TESK2: variants seen among roughly 807,000 people sequenced by gnomAD.
TESK2 encodes dual specificity testis-specific protein kinase 2.
A neutral mutation model predicts 57.1 loss-of-function variants in TESK2; 39 were observed. That is an observed-to-expected ratio of 0.68 (90% CI 0.53 to 0.89). TESK2 has a LOEUF of 0.89. TESK2 is among the 40% of genes least tolerant of loss of function. TESK2 has a pLI of 0.00. For missense variants in TESK2, 646 were observed against 732.1 expected (o/e 0.88, Z 1.36); for synonymous variants, 249 against 267.9 (o/e 0.93, Z 0.69).
intron 2 of TESK2, among the ~76,000 whole-genome samples, chr1:45,441,595 A>G (rs1275165523): frequency 6.8e-6 from 1 of 146,796 alleles, no homozygotes; most frequent in Non-Finnish European, 1.5e-5. Context: ...AGCATGAACC[A>G]CTGCACCCAG....
intron 4 of TESK2, among the ~76,000 whole-genome samples, chr1:45,370,055 G>T (rs1557546425): frequency 1.3e-5 from 2 of 151,970 alleles, no homozygotes; most frequent in African/African-American, 4.8e-5. Flanking sequence ...GCATATTCTA[G>T]GTTGAAGAAA....
At chr1:45,426,088 T>C (rs1333057736) in intron 2 of TESK2, among the ~76,000 whole-genome samples, 2 of 151,838 alleles carry the variant, frequency 1.3e-5, no homozygotes, top group African/African-American at 2.4e-5. Context: ...GAGGCAGAGG[T>C]TGCAGTGAGC....
intron 3 of TESK2, among the ~76,000 whole-genome samples, chr1:45,403,955 T>C (rs896519313): frequency 6.9e-6 from 1 of 144,988 alleles, no homozygotes; most frequent in Non-Finnish European, 1.5e-5. Flanking sequence ...TGACTTTAAA[T>C]ATGGCCAAAA....
intron 3 of TESK2, among the ~76,000 whole-genome samples, chr1:45,387,704 CAG>C (rs112144719): frequency 1.3e-5 from 2 of 152,204 alleles, no homozygotes; most frequent in African/African-American, 4.8e-5. Flanking sequence ...AATATCACAG[CAG>C]AGTTTTTAAA....
rs561654211 is a variant in TESK2 at position 45,455,267 on chromosome 1, T to A, written c.222+2297A>T. On this transcript the variant is annotated intron_variant, in intron 2 of 10. Coordinates refer to ENST00000372086, the MANE Select transcript of TESK2 (RefSeq NM_007170.3). ...AGGCTTTTGTTTAAGGATTGCTTAA[T>A]ATGTTTTTCAGACCCCTGAATTCCA... 4.6e-5 allele frequency among the ~76,000 whole-genome samples: 7 copies of A among 152,332 alleles called. No individual in the cohort carries two copies. The South Asian group carries it at 1.5e-3, about 32-fold the overall frequency.
At chr1:45,431,916 G>A (rs1022965941) in intron 2 of TESK2, among the ~76,000 whole-genome samples, 2 of 152,104 alleles carry the variant, frequency 1.3e-5, no homozygotes, top group Non-Finnish European at 2.9e-5. Context: ...GCAAGCTTGT[G>A]ATGAGCCTAG....
intron 4 of TESK2, among the ~76,000 whole-genome samples, chr1:45,380,052 C>T (rs561417279): frequency 3.9e-5 from 6 of 152,128 alleles, no homozygotes; most frequent in Non-Finnish European, 8.8e-5. Flanking sequence ...GCTTGTGCCA[C>T]CCATGCCTGG....
intron 2 of TESK2, among the ~76,000 whole-genome samples, chr1:45,441,636 T>G (rs1469817337): frequency 4.0e-5 from 6 of 149,728 alleles, no homozygotes; most frequent in African/African-American, 1.5e-4. Context: ...TTTTTTTTTT[T>G]GAGACAGAGT....
chr1:45,381,902 T>G (rs1648670922), intron 4 of TESK2, among the ~76,000 whole-genome samples: 1 of 149,878 alleles, frequency 6.7e-6, no homozygotes, highest in African/African-American at 2.5e-5. Context: ...CTCTCTCTGT[T>G]GCTCAGGCTG....
chr1:45,363,536 G>C (rs1647782070), intron 4 of TESK2, among the ~76,000 whole-genome samples: 1 of 152,142 alleles, frequency 6.6e-6, no homozygotes, highest in Non-Finnish European at 1.5e-5. Context: ...CTGCACATTT[G>C]TACACATTGC....
intron 1 of TESK2, among the ~76,000 whole-genome samples, chr1:45,458,731 T>C (rs569135957): frequency 6.6e-6 from 1 of 151,948 alleles, no homozygotes; most frequent in East Asian, 1.9e-4. Context: ...ATATATTATA[T>C]AATTTTTAAA....
At position 45,463,616 on chromosome 1, in the gene TESK2, C is replaced by T. The variant is rs557314594; in HGVS notation, c.-86-5745G>A. On this transcript the variant is annotated intron_variant, in intron 1 of 10. Transcript: ENST00000372086. ...TGTTTTGTTTTGAGACAGGGTCTCACTCTGTTGCCCAGGCTGGAATGGAGT... is the reference window on the plus strand; with the variant it reads ...TGTTTTGTTTTGAGACAGGGTCTCATTCTGTTGCCCAGGCTGGAATGGAGT... Among the ~76,000 whole-genome samples the T allele has an allele frequency of 1.1e-4, 17 of 152,274 alleles. No homozygotes were observed. In the East Asian group the frequency reaches 3.3e-3, roughly 29 times the overall value.
At chr1:45,450,327 T>C (rs1007173318) in intron 2 of TESK2, among the ~76,000 whole-genome samples, 4 of 152,024 alleles carry the variant, frequency 2.6e-5, no homozygotes, top group African/African-American at 7.2e-5. Flanking sequence ...GCCTGACCAA[T>C]ATGGTGAAAT....
At chr1:45,388,456 T>C (rs187037531) in intron 3 of TESK2, among the ~76,000 whole-genome samples, 7 of 152,352 alleles carry the variant, frequency 4.6e-5, no homozygotes, top group Non-Finnish European at 7.3e-5. Context: ...CTAGCAGGAA[T>C]TGGCTAACTA....
At chr1:45,422,720 A>T (rs1195579111) in intron 2 of TESK2, among the ~76,000 whole-genome samples, 3 of 120,560 alleles carry the variant, frequency 2.5e-5, no homozygotes, top group Non-Finnish European at 5.7e-5. Flanking sequence ...CTGGGATTAC[A>T]GGTGTGAGCC....
chr1:45,407,805 G>C (rs1266044912), intron 3 of TESK2, among the ~76,000 whole-genome samples: 1 of 152,052 alleles, frequency 6.6e-6, no homozygotes, highest in Non-Finnish European at 1.5e-5. Context: ...CCCAGTCTTG[G>C]GTGTGTCTTT....
chr1:45,355,444 G>C lies in TESK2; in HGVS notation c.399C>G (p.Ile133Met). ...GCAACTGTTCCAGGTTCCCGGAGTT[G>C]ATATACTGCAAAACAGAAGGAAAAC... ...QGQLHALTEY[I>M]NSGNLEQLLD... Residue 133 changes from isoleucine to methionine, a missense_variant, in exon 5 of 11, where the codon ATC becomes ATG. Ile to Met is a conservative substitution (Grantham distance 10, BLOSUM62 1). Coordinates refer to ENST00000372086, the MANE Select transcript of TESK2 (RefSeq NM_007170.3). 1 of 1,605,592 alleles carries C rather than the reference G, an allele frequency of 6.2e-7. No homozygotes were observed. The highest frequency in any genetic ancestry group is 8.5e-7 in the Non-Finnish European group (1 of 1,177,164).
intron 1 of TESK2, among the ~76,000 whole-genome samples, chr1:45,486,135 A>C (rs546762903): frequency 8.5e-5 from 13 of 152,308 alleles, no homozygotes; most frequent in African/African-American, 3.1e-4. Context: ...GTGAGACTAC[A>C]CTGAAGTCAT....
chr1:45,437,844 G>A (rs1651293869), intron 2 of TESK2, among the ~76,000 whole-genome samples: 1 of 152,180 alleles, frequency 6.6e-6, no homozygotes, highest in South Asian at 2.1e-4. Flanking sequence ...TGAAATGGCT[G>A]GTTTGATATG....
Sources: allele counts gnomAD v4.1 joint callset (sites outside exome capture counted in the v4.1 genomes callset), GRCh38; gene constraint gnomAD v4.1.1; transcripts MANE v1.5; gene names NCBI Gene and HGNC (gene_info 2026-07-23, HGNC 2026-07-21).